The following SASH1 variants were observed in gnomAD, a reference collection of about 807,000 sequenced individuals.
The protein encoded by SASH1 is SAM and SH3 domain containing 1.
In SASH1, 44 loss-of-function variants were observed where a neutral mutation model predicts 125.2. The observed-to-expected ratio is 0.35, with a 90% CI of 0.28 to 0.45. The LOEUF (loss-of-function observed/expected upper bound fraction) is 0.45, where lower values mean the gene tolerates loss of function less well. Among genes scored for constraint, SASH1 ranks in the 20% least tolerant of loss-of-function variants. The pLI is 1.00. For synonymous variants in SASH1, 639 were observed against 649.1 expected, an observed-to-expected ratio of 0.98 and a Z score of 0.24; for missense variants, 1,426 against 1,614.5, an observed-to-expected ratio of 0.88 and a Z score of 2.00.
intron 1 of SASH1, among the ~76,000 whole-genome samples, chr6:148,293,312 T>G (rs181523849): frequency 1.3e-5 from 2 of 152,322 alleles, no homozygotes; most frequent in East Asian, 3.9e-4. Flanking sequence ...CTTGGCTCCT[T>G]GCATGCAGCC....
At chr6:148,358,697 G>A (rs1221471770) in intron 1 of SASH1, among the ~76,000 whole-genome samples, 1 of 145,216 alleles carries the variant, frequency 6.9e-6, no homozygotes, top group Admixed American at 6.9e-5. Flanking sequence ...TGCTTGGTTG[G>A]TTCTTTGGTT....
chr6:148,543,150 G>A (rs981324541), intron 17 of SASH1, among the ~76,000 whole-genome samples: 2 of 152,170 alleles, frequency 1.3e-5, no homozygotes, highest in African/African-American at 2.4e-5. Flanking sequence ...TCTGTGTCCA[G>A]GTTGGTTGAT....
chr6:148,471,503 G>A lies in SASH1; in HGVS notation c.514G>A (p.Gly172Arg). 1 of 1,569,628 alleles carries A rather than the reference G, an allele frequency of 6.4e-7. No homozygotes were observed. The highest frequency in any genetic ancestry group is 1.2e-5 in the South Asian group (1 of 86,484). The change falls in exon 6 of 20, where the codon GGA (glycine) becomes AGA (arginine). Residue 172 changes from glycine to arginine, a missense_variant and splice_region_variant. By Grantham distance (125) the Gly-to-Arg change is moderately radical. This residue lies in a region of SASH1 where 567 missense variants were observed against 575.6 expected (regional missense o/e 0.99). Transcript: ENST00000367467. The stretch of plus-strand genomic sequence containing the variant: ...AGGAATAATGAGACAGACTTCAAAA[G>A]GTACTGCAATGCAGCTGGCGGACAG... ...QKGIMRQTSK[G>R]EDVGYVASEI... is the part of the protein sequence containing the mutation.
intron 4 of SASH1, among the ~76,000 whole-genome samples, chr6:148,446,104 T>TTTTTTTTCTTTTTTTTC: frequency 2.0e-4 from 5 of 24,938 alleles, no homozygotes; most frequent in African/African-American, 6.2e-4. Flanking sequence ...TTTTTTTTTT[T>TTTTTTTTCTTTTTTTTC]TTTTTTTTTT....
intron 8 of SASH1, among the ~76,000 whole-genome samples, chr6:148,512,025 A>T (rs993657053): frequency 3.8e-4 from 57 of 151,348 alleles, no homozygotes; most frequent in Admixed American, 1.1e-3. Context: ...TTATTTATTT[A>T]TTTATTTTTT....
the SASH1 span, among the ~76,000 whole-genome samples, chr6:148,259,937 G>A: frequency 2.6e-5 from 4 of 152,072 alleles, no homozygotes; most frequent in African/African-American, 7.2e-5. Context: ...TCAGGCTAGA[G>A]TGCAGTGGTG....
intron 7 of SASH1, among the ~76,000 whole-genome samples, chr6:148,487,086 T>TACACACAC (rs1279414737): frequency 3.2e-5 from 3 of 94,222 alleles, no homozygotes; most frequent in African/African-American, 4.5e-5. Context: ...ATATAACACA[T>TACACACAC]ATATATACAC....
the SASH1 span, among the ~76,000 whole-genome samples, chr6:148,209,474 G>A: frequency 2.0e-5 from 3 of 152,182 alleles, no homozygotes; most frequent in African/African-American, 7.2e-5. Flanking sequence ...TTCTTCTTGT[G>A]GGAAGAAGTA....
chr6:148,262,362 C>T, the SASH1 span, among the ~76,000 whole-genome samples: 2 of 152,214 alleles, frequency 1.3e-5, no homozygotes, highest in Non-Finnish European at 2.9e-5. Flanking sequence ...AGTCATCATG[C>T]GCTCCCTAAC....
intron 1 of SASH1, among the ~76,000 whole-genome samples, chr6:148,304,432 CAAA>C (rs1407700167): frequency 1.0e-5 from 1 of 95,836 alleles, no homozygotes; most frequent in African/African-American, 4.2e-5. Flanking sequence ...GACTCCGTCT[CAAA>C]AAAAAAAAAA....
In SASH1 at chr6:148,382,089, G is replaced by A. The variant is rs535005134; in HGVS notation, c.157-8045G>A. ...TAGCGACCTTTACAAAAGACACCTT[G>A]TGTGAGATTTGGGAGCTGGAAGTGA... On this transcript the variant is annotated intron_variant, in intron 1 of 19. Transcript: ENST00000367467. Among the ~76,000 whole-genome samples the A allele has an allele frequency of 2.6e-5, 4 of 152,218 alleles. No homozygotes were observed. In the South Asian group the frequency reaches 8.4e-4, roughly 32 times the overall value.
upstream of SASH1, among the ~76,000 whole-genome samples, chr6:148,271,764 T>C (rs935287284): frequency 3.3e-5 from 5 of 152,208 alleles, no homozygotes; most frequent in African/African-American, 1.2e-4. Context: ...TCCTAGAACA[T>C]TAAACTTACC....
At chr6:148,396,443 C>T (rs1412867583) in intron 2 of SASH1, among the ~76,000 whole-genome samples, 2 of 125,504 alleles carry the variant, frequency 1.6e-5, no homozygotes, top group South Asian at 2.6e-4. Context: ...TGCCGCTTTA[C>T]TCCAGCCTGG....
chr6:148,230,125 C>T, the SASH1 span, among the ~76,000 whole-genome samples: 1 of 152,144 alleles, frequency 6.6e-6, no homozygotes, highest in South Asian at 2.1e-4. Context: ...TATAGATCTG[C>T]CTATTCTGAA....
At chr6:148,401,012 A>T (rs1051358212) in intron 2 of SASH1, among the ~76,000 whole-genome samples, 1 of 152,160 alleles carries the variant, frequency 6.6e-6, no homozygotes, top group Non-Finnish European at 1.5e-5. Context: ...TGGGAGGCCA[A>T]GGCTGGTGGA....
In SASH1 at chr6:148,551,341, A is replaced by C. The variant is rs1305332550; in HGVS notation, c.*2783A>C. ...AATGGTGAAAATTGTTGTCTTTGGA[A>C]AGCACAAAAGAAACCTGGAAAGGCA... On this transcript the variant is annotated 3_prime_UTR_variant, in exon 20 of 20. Coordinates refer to ENST00000367467, the MANE Select transcript of SASH1 (RefSeq NM_015278.5). The C allele has an allele frequency of 6.6e-6, 1 of 152,616 alleles. No individual in the cohort carries two copies. Among genetic ancestry groups the C allele is most frequent in the East Asian group, 1.9e-4 (1 of 5,200 alleles). 9.5% of individuals were successfully genotyped at this position (152,616 alleles called of 1,614,324 possible).
the SASH1 span, among the ~76,000 whole-genome samples, chr6:148,243,321 A>T: frequency 4.6e-5 from 7 of 151,898 alleles, no homozygotes; most frequent in Admixed American, 1.3e-4. Flanking sequence ...GTGGTGGCTC[A>T]TGCCTGTAAT....
intron 1 of SASH1, among the ~76,000 whole-genome samples, chr6:148,351,293 G>GATTGGT (rs776350987): frequency 4.8e-5 from 7 of 147,296 alleles, no homozygotes; most frequent in Non-Finnish European, 8.9e-5. Flanking sequence ...TTTTCAAGAT[G>GATTGGT]ATTGGTGAAA....
chr6:148,424,971 G>A (rs931608865), intron 2 of SASH1, among the ~76,000 whole-genome samples: 1 of 152,194 alleles, frequency 6.6e-6, no homozygotes, highest in African/African-American at 2.4e-5. Flanking sequence ...TTTGAGAACC[G>A]CTGACAGGGC....
Sources: allele counts gnomAD v4.1 joint callset (sites outside exome capture counted in the v4.1 genomes callset), GRCh38; gene constraint gnomAD v4.1.1; regional missense constraint gnomAD v4.1.1; transcripts MANE v1.5; gene names NCBI Gene and HGNC (gene_info 2026-07-23, HGNC 2026-07-21).